MEGF11: variants seen among roughly 807,000 people sequenced by gnomAD.
MEGF11 encodes multiple EGF like domains 11.
In MEGF11, 126 loss-of-function variants were observed where a neutral mutation model predicts 146.6. That is an observed-to-expected ratio of 0.86 (90% CI 0.74 to 1.00). MEGF11 has a LOEUF of 1.00. Among genes scored for constraint, MEGF11 ranks in the 50% least tolerant of loss-of-function variants. The pLI is 0.00. For missense variants in MEGF11, 1,509 were observed against 1,521.2 expected (o/e 0.99, Z 0.13); for synonymous variants, 532 against 583.4 (o/e 0.91, Z 1.27).
intron 1 of MEGF11, among the ~76,000 whole-genome samples, chr15:66,150,825 AGAGAG>A (rs2089542877): frequency 2.7e-4 from 1 of 3,742 alleles, no homozygotes; most frequent in Non-Finnish European, 5.5e-4. Flanking sequence ...TGCCCTGTCG[AGAGAG>A]AGAGAGAGAG....
intron 1 of MEGF11, among the ~76,000 whole-genome samples, chr15:66,148,043 G>A (rs556609205): frequency 9.2e-5 from 14 of 152,264 alleles, no homozygotes; most frequent in Middle Eastern, 3.4e-3. Flanking sequence ...GTACCGGAGA[G>A]GGGGAAAAGG....
chr15:66,096,345 A>C (rs559983388), intron 4 of MEGF11, among the ~76,000 whole-genome samples: 56 of 152,210 alleles, frequency 3.7e-4, no homozygotes, highest in Non-Finnish European at 7.5e-4. Flanking sequence ...GGACTCGAAG[A>C]GACTTAAGAG....
intron 5 of MEGF11, among the ~76,000 whole-genome samples, chr15:66,025,644 GTTAATGCT>G (rs1230314156): frequency 3.3e-5 from 5 of 152,170 alleles, no homozygotes; most frequent in African/African-American, 1.2e-4. Context: ...ATCCACTCCT[GTTAATGCT>G]TTGTGAGTCC....
intron 1 of MEGF11, among the ~76,000 whole-genome samples, chr15:66,192,824 C>T (rs915815010): frequency 7.2e-5 from 11 of 152,232 alleles, no homozygotes; most frequent in African/African-American, 1.9e-4. Context: ...CCTGGCGTGG[C>T]GCCCTTTGCA....
intron 1 of MEGF11, among the ~76,000 whole-genome samples, chr15:66,131,234 C>T (rs1021213034): frequency 4.6e-5 from 7 of 152,260 alleles, no homozygotes; most frequent in African/African-American, 1.2e-4. Context: ...GTACCTCTCA[C>T]ACCTGCAGAC....
intron 1 of MEGF11, among the ~76,000 whole-genome samples, chr15:66,206,075 C>CA (rs2091291822): frequency 6.6e-6 from 1 of 151,972 alleles, no homozygotes; most frequent in African/African-American, 2.4e-5. Context: ...ATGAACGAAA[C>CA]AAAAAATCTC....
intron 5 of MEGF11, among the ~76,000 whole-genome samples, chr15:65,997,874 C>T (rs988117994): frequency 6.6e-6 from 1 of 152,104 alleles, no homozygotes; most frequent in Non-Finnish European, 1.5e-5. Flanking sequence ...AGAGAGGTCG[C>T]TCTGAGAAGG....
At chr15:66,091,364 G>A (rs1246243584) in intron 5 of MEGF11, among the ~76,000 whole-genome samples, 1 of 152,220 alleles carries the variant, frequency 6.6e-6, no homozygotes, top group Non-Finnish European at 1.5e-5. Context: ...CATCTTTTAA[G>A]CAGAGCTCAC....
intron 1 of MEGF11, among the ~76,000 whole-genome samples, chr15:66,160,005 C>T (rs561551621): frequency 5.3e-5 from 8 of 152,204 alleles, no homozygotes; most frequent in African/African-American, 1.9e-4. Flanking sequence ...GATGTGGTCG[C>T]TCCCTCTCCC....
At chr15:65,922,523 C>T (rs2079209878) in intron 14 of MEGF11, 51 bp from the exon 15 acceptor site, 1 of 1,492,392 alleles carries the variant, frequency 6.7e-7, no homozygotes, top group Non-Finnish European at 8.9e-7. Context: ...CCCCAGCCAG[C>T]CTAGCTACCC....
intron 5 of MEGF11, among the ~76,000 whole-genome samples, chr15:66,011,039 G>A (rs1162413801): frequency 6.6e-6 from 1 of 152,204 alleles, no homozygotes; most frequent in African/African-American, 2.4e-5. Flanking sequence ...CAGGGTGTGT[G>A]TAAAGGGGGT....
chr15:66,173,483 T>C (rs1385114925), intron 1 of MEGF11, among the ~76,000 whole-genome samples: 1 of 152,024 alleles, frequency 6.6e-6, no homozygotes, highest in Non-Finnish European at 1.5e-5. Context: ...GCCCTACTAA[T>C]TTTCTGTATT....
intron 1 of MEGF11, among the ~76,000 whole-genome samples, chr15:66,230,126 CA>C (rs2091939080): frequency 6.6e-6 from 1 of 152,170 alleles, no homozygotes; most frequent in African/African-American, 2.4e-5. Flanking sequence ...CTCATCCCTC[CA>C]GCTGCCTCCG....
intron 4 of MEGF11, among the ~76,000 whole-genome samples, chr15:66,107,917 G>A (rs2087176105): frequency 6.6e-6 from 1 of 152,192 alleles, no homozygotes; most frequent in Non-Finnish European, 1.5e-5. Flanking sequence ...TAAACACATT[G>A]ACAATGGGAC....
chr15:66,122,906 C>T (rs1401575304), intron 3 of MEGF11, among the ~76,000 whole-genome samples: 1 of 152,106 alleles, frequency 6.6e-6, no homozygotes, highest in Non-Finnish European at 1.5e-5. Flanking sequence ...GCCTCAGCCT[C>T]CCTAGTAGCT....
intron 24 of MEGF11, chr15:65,901,914 G>A (rs756240065): frequency 6.6e-6 from 1 of 151,704 alleles, no homozygotes; most frequent in Non-Finnish European, 1.5e-5. Context: ...CCTAATGTTA[G>A]TAAATAGTTT....
In MEGF11 at chr15:66,168,918, G is replaced by A. The variant is rs189020722; in HGVS notation, c.-8-40507C>T. ...CAGGAGAATTGCTTGAACCCGGGAGGTGGAGGTTGCAGTGAGCCAGGATCG... is the reference window on the plus strand; with the variant it reads ...CAGGAGAATTGCTTGAACCCGGGAGATGGAGGTTGCAGTGAGCCAGGATCG... On this transcript the variant is annotated intron_variant, in intron 1 of 25. Transcript: ENST00000395614. Among the ~76,000 whole-genome samples, 16 of 152,346 alleles carry A rather than the reference G, an allele frequency of 1.1e-4. No individual in the cohort carries two copies. The East Asian group carries it at 3.1e-3, about 29-fold the overall frequency.
intron 5 of MEGF11, among the ~76,000 whole-genome samples, chr15:66,063,587 C>T (rs1326212726): frequency 6.6e-6 from 1 of 152,180 alleles, no homozygotes; most frequent in Non-Finnish European, 1.5e-5. Context: ...TGCACGGCCT[C>T]TCCCCACAAG....
At chr15:66,148,607 G>A (rs1162129183) in intron 1 of MEGF11, among the ~76,000 whole-genome samples, 1 of 152,172 alleles carries the variant, frequency 6.6e-6, no homozygotes, top group Non-Finnish European at 1.5e-5. Flanking sequence ...TAGCAATTGG[G>A]TTGCACAGGC....
Sources: gnomAD v4.1 joint callset for allele counts (sites outside exome capture counted in the v4.1 genomes callset) on GRCh38, gnomAD v4.1.1 for gene constraint, MANE v1.5 for transcripts, NCBI Gene and HGNC (gene_info 2026-07-23, HGNC 2026-07-21) for gene names.